Variants in DLG2 observed in about 807,000 individuals in gnomAD.
DLG2 encodes discs large MAGUK scaffold protein 2.
Under a neutral mutation model 132.5 loss-of-function variants are expected in DLG2, and 45 were observed. That is an observed-to-expected ratio of 0.34 (90% confidence interval 0.27 to 0.44). The LOEUF (loss-of-function observed/expected upper bound fraction) is 0.44. Among genes scored for constraint, DLG2 ranks in the 20% least tolerant of loss-of-function variants. The pLI is 1.00. For missense variants in DLG2, 1,045 were observed against 1,196.9 expected (o/e 0.87, Z 1.87); for synonymous variants, 424 against 419.6 (o/e 1.01, Z -0.13).
In DLG2 at chr11:84,484,681, T is replaced by C. The variant is rs368817013; in HGVS notation, c.519+49889A>G. ...TCCCCAATTTCGACTGGCTCTGGGATGTTGGCAAATTAAGAGTTTTTGAAC... is the reference window on the plus strand; with the variant it reads ...TCCCCAATTTCGACTGGCTCTGGGACGTTGGCAAATTAAGAGTTTTTGAAC... On this transcript the variant is annotated intron_variant, in intron 7 of 27. Coordinates refer to ENST00000376104, the MANE Select transcript of DLG2 (RefSeq NM_001142699.3). 2.0e-5 allele frequency among the ~76,000 whole-genome samples: 3 copies of C among 152,278 alleles called. No individual in the cohort carries two copies. In the East Asian group the frequency reaches 5.8e-4, roughly 29 times the overall value.
chr11:84,827,479 C>A (rs779431600), intron 6 of DLG2, among the ~76,000 whole-genome samples: 5 of 151,272 alleles, frequency 3.3e-5, no homozygotes, highest in African/African-American at 7.3e-5. Context: ...GATTTTTGAA[C>A]TTAGGAGGAT....
chr11:84,502,263 C>T lies in DLG2; in HGVS notation c.519+32307G>A, dbSNP rs1307082961. Among the ~76,000 whole-genome samples the T allele has an allele frequency of 1.0e-3, 29 of 28,952 alleles. 4 individuals carry two copies. In the South Asian group the frequency reaches 0.024, roughly 23 times the overall value. The allele number at this position is 28,952 out of a possible 152,430, so 19.0% of individuals were successfully genotyped here. A position where few individuals can be genotyped will look rare whatever the true frequency, so the allele number is the denominator to read the frequency against. ...CCTTCCTTCCTTCCTTCCTTCCTTC[C>T]TTCCTTCCTTCCTTCCTTCTTTCTT... On this transcript the variant is annotated intron_variant, in intron 7 of 27. Coordinates refer to ENST00000376104, the MANE Select transcript of DLG2 (RefSeq NM_001142699.3).
At chr11:83,838,591 C>A (rs2056819989) in intron 16 of DLG2, among the ~76,000 whole-genome samples, 1 of 152,122 alleles carries the variant, frequency 6.6e-6, no homozygotes, top group Non-Finnish European at 1.5e-5. Context: ...GAATTAGCTG[C>A]CCAAGTTTAA....
chr11:84,200,749 G>T (rs2096581311), intron 8 of DLG2, among the ~76,000 whole-genome samples: 1 of 152,020 alleles, frequency 6.6e-6, no homozygotes, highest in Admixed American at 6.6e-5. Flanking sequence ...CTTTCTGCTT[G>T]CCTGTTGTCG....
intron 16 of DLG2, among the ~76,000 whole-genome samples, chr11:83,847,278 G>C (rs2058814645): frequency 6.6e-6 from 1 of 152,120 alleles, no homozygotes; most frequent in Non-Finnish European, 1.5e-5. Flanking sequence ...TGGGGCATTA[G>C]CAAAACTAAT....
At chr11:85,153,464 C>G (rs2077396680) in intron 5 of DLG2, among the ~76,000 whole-genome samples, 1 of 152,144 alleles carries the variant, frequency 6.6e-6, no homozygotes, top group Admixed American at 6.5e-5. Flanking sequence ...CTTTAAGATT[C>G]ATCATTTCTC....
At chr11:83,724,827 G>A (rs1172403010) in intron 18 of DLG2, 1 of 702,342 alleles carries the variant, frequency 1.4e-6, no homozygotes, top group Non-Finnish European at 2.6e-6. Flanking sequence ...CAAGAGAAAT[G>A]GGTCTGAGAA....
chr11:85,376,057 A>G lies in DLG2; in HGVS notation c.41-90692T>C, dbSNP rs187642203. Among the ~76,000 whole-genome samples, 8 of 152,356 alleles carry G rather than the reference A, an allele frequency of 5.3e-5. No homozygotes were observed. The East Asian group carries it at 7.7e-4, about 15-fold the overall frequency. ...AGCACCATTGCACTATTTCAACCTA[A>G]TAAGTAGTTATAGAGCACATACTCA... On this transcript the variant is annotated intron_variant, in intron 3 of 27. Coordinates refer to ENST00000376104, the MANE Select transcript of DLG2 (RefSeq NM_001142699.3).
chr11:84,339,115 C>T (rs2098502120), intron 7 of DLG2, among the ~76,000 whole-genome samples: 1 of 152,178 alleles, frequency 6.6e-6, no homozygotes, highest in Admixed American at 6.5e-5. Flanking sequence ...CTTTTCTCCT[C>T]TGTATCACGA....
chr11:84,486,866 T>G (rs528923658), intron 7 of DLG2, among the ~76,000 whole-genome samples: 1 of 152,234 alleles, frequency 6.6e-6, no homozygotes, highest in East Asian at 1.9e-4. Context: ...GCTCTGAGTA[T>G]GTTGCTAGCA....
intron 7 of DLG2, among the ~76,000 whole-genome samples, chr11:84,365,882 A>T (rs897557497): frequency 1.4e-4 from 22 of 152,208 alleles, no homozygotes; most frequent in African/African-American, 5.1e-4. Context: ...AAGTTGGAAA[A>T]CACTCTGCAG....
At chr11:85,268,581 C>T (rs2077352475) in intron 4 of DLG2, among the ~76,000 whole-genome samples, 1 of 152,162 alleles carries the variant, frequency 6.6e-6, no homozygotes, top group Admixed American at 6.5e-5. Flanking sequence ...TTAAGCGAGA[C>T]TCATCTCAAA....
intron 11 of DLG2, among the ~76,000 whole-genome samples, chr11:84,044,122 T>C (rs1279188031): frequency 6.6e-6 from 1 of 151,776 alleles, no homozygotes; most frequent in Non-Finnish European, 1.5e-5. Flanking sequence ...ATTTGTGTCC[T>C]GGCTCTGTCA....
intron 18 of DLG2, among the ~76,000 whole-genome samples, chr11:83,701,041 A>C (rs933993008): frequency 6.6e-6 from 1 of 152,212 alleles, no homozygotes; most frequent in Non-Finnish European, 1.5e-5. Flanking sequence ...GAAATCGCAC[A>C]CAACAGGATG....
chr11:85,436,669 C>G (rs1341363832), intron 3 of DLG2, among the ~76,000 whole-genome samples: 1 of 152,066 alleles, frequency 6.6e-6, no homozygotes, highest in African/African-American at 2.4e-5. Context: ...AATGGTGAGG[C>G]TATGGAAAAA....
intron 9 of DLG2, among the ~76,000 whole-genome samples, chr11:84,101,220 T>A (rs2092491380): frequency 6.6e-6 from 1 of 151,996 alleles, no homozygotes; most frequent in Non-Finnish European, 1.5e-5. Flanking sequence ...CCTGGTGACA[T>A]AGAGAAGAAC....
chr11:85,065,838 T>C (rs951745765), intron 6 of DLG2, among the ~76,000 whole-genome samples: 52 of 151,384 alleles, frequency 3.4e-4, no homozygotes, highest in Non-Finnish European at 7.4e-5. Flanking sequence ...GAAAAGTTTA[T>C]GGTGTTAAAT....
chr11:85,535,986 C>G (rs865859196), intron 3 of DLG2, among the ~76,000 whole-genome samples: 1 of 151,746 alleles, frequency 6.6e-6, no homozygotes, highest in Admixed American at 6.6e-5. Flanking sequence ...GAGGCCAAGG[C>G]AGGCAGATGG....
chr11:85,393,223 T>C (rs1215982354), intron 3 of DLG2, among the ~76,000 whole-genome samples: 1 of 151,980 alleles, frequency 6.6e-6, no homozygotes, highest in Non-Finnish European at 1.5e-5. Flanking sequence ...TATGAAAAAA[T>C]GCTCAACATC....
Sources: gnomAD v4.1 joint callset for allele counts (sites outside exome capture counted in the v4.1 genomes callset) on GRCh38, gnomAD v4.1.1 for gene constraint, MANE v1.5 for transcripts, NCBI Gene and HGNC (gene_info 2026-07-23, HGNC 2026-07-21) for gene names.